The following PHACTR2 variants were observed in gnomAD, a reference collection of about 807,000 sequenced individuals.
The protein encoded by PHACTR2 is chromosome 6 open reading frame 56.
A neutral mutation model predicts 76.0 loss-of-function variants in PHACTR2; 30 were observed. The ratio of observed to expected loss-of-function variants is 0.39; its 90% confidence interval spans 0.30 to 0.54. The LOEUF is 0.54. Among genes scored for constraint, PHACTR2 ranks in the 20% least tolerant of loss-of-function variants. The pLI, the probability that PHACTR2 is intolerant of heterozygous loss-of-function variation, is 0.61. For synonymous variants in PHACTR2, 292 were observed against 292.5 expected (o/e 1.00, Z 0.02); for missense variants, 696 against 781.1 (o/e 0.89, Z 1.30).
In PHACTR2 at chr6:143,554,561, A is replaced by G. The variant is rs1357350716; in HGVS notation, c.217+17354A>G. On this transcript the variant is annotated intron_variant, in intron 1 of 11. Transcript: ENST00000367584. The surrounding 1 kb of genome is among the most constrained non-coding windows in gnomAD (Gnocchi z 5.9). Reference sequence around the variant, plus strand: ...CAGCGTTAGAGCAGTCTTGCTGAAGACAGGACAGGATGATCAGCCCTCACC... The same window carrying G: ...CAGCGTTAGAGCAGTCTTGCTGAAGGCAGGACAGGATGATCAGCCCTCACC... 1 of 152,296 alleles carries G rather than the reference A, an allele frequency of 6.6e-6. No homozygotes were observed. Among genetic ancestry groups the G allele is most frequent in the Non-Finnish European group, 1.5e-5 (1 of 68,042 alleles). The allele number at this position is 152,296 out of a possible 1,614,324, so 9.4% of individuals were successfully genotyped here.
chr6:143,684,833 A>G lies in PHACTR2; in HGVS notation c.46+6624A>G, dbSNP rs74914765. 0.016 allele frequency among the ~76,000 whole-genome samples: 2,470 copies of G among 152,362 alleles called. 28 individuals are homozygous for G. The highest frequency in any genetic ancestry group is 0.024 in the Non-Finnish European group (1,643 of 68,038). ...CAGTCAACACTCTACACAACTGTAC[A>G]TGACCACAATGCTGTGCATAAATAA... On this transcript the variant is annotated intron_variant, in intron 1 of 12. Transcript: ENST00000440869. This position sits in a 1 kb window ranked among gnomAD's most constrained non-coding sequence, Gnocchi z 4.3.
chr6:143,717,926 A>G (rs1416923243), intron 2 of PHACTR2, among the ~76,000 whole-genome samples: 1 of 152,200 alleles, frequency 6.6e-6, no homozygotes. Flanking sequence ...ATAACAAATT[A>G]AAATACTAAC....
Position 143,641,199 on chromosome 6 carries a change from C to T in PHACTR2, c.13+32877C>T, listed in dbSNP as rs1008423665. On this transcript the variant is annotated intron_variant, in intron 1 of 11. Coordinates refer to the PHACTR2 transcript ENST00000305766. The surrounding 1 kb of genome is among the most constrained non-coding windows in gnomAD (Gnocchi z 5.8). Reference sequence around the variant, plus strand: ...TAATCCCACCCTTTGCAGTGGAGACCTCATGGCTTAATCATGATTTAAAGG... The same window carrying T: ...TAATCCCACCCTTTGCAGTGGAGACTTCATGGCTTAATCATGATTTAAAGG... Among the ~76,000 whole-genome samples the T allele has an allele frequency of 6.6e-6, 1 of 152,126 alleles. No individual in the cohort carries two copies. Among genetic ancestry groups the T allele is most frequent in the Admixed American group, 6.5e-5 (1 of 15,274 alleles).
intron 2 of PHACTR2, among the ~76,000 whole-genome samples, chr6:143,734,449 G>A (rs969052603): frequency 1.3e-5 from 2 of 152,204 alleles, no homozygotes; most frequent in African/African-American, 2.4e-5. Context: ...AGTATCTCAA[G>A]TCTCCCGTCT....
chr6:143,795,542 G>T lies in PHACTR2; in HGVS notation c.1845+6632G>T, dbSNP rs1775805116. On this transcript the variant is annotated intron_variant, in intron 11 of 12. Coordinates refer to ENST00000440869, the MANE Select transcript of PHACTR2 (RefSeq NM_001100164.2). This position sits in a 1 kb window ranked among gnomAD's most constrained non-coding sequence, Gnocchi z 4.8. ...TGCACTGAGGTAGATAGACGAGCTG[G>T]CCCTTCAGTGGCAGAGAGGTGAGGT... 6.6e-6 allele frequency among the ~76,000 whole-genome samples: 1 copy of T among 152,254 alleles called. No homozygotes were observed. The highest frequency in any genetic ancestry group is 1.5e-5 in the Non-Finnish European group (1 of 68,046).
In PHACTR2 at chr6:143,688,053, T is replaced by A. The variant is rs1777560910; in HGVS notation, c.46+9844T>A. Among the ~76,000 whole-genome samples the A allele has an allele frequency of 1.3e-5, 2 of 151,882 alleles. No individual in the cohort carries two copies. Among genetic ancestry groups the A allele is most frequent in the Non-Finnish European group, 2.9e-5 (2 of 68,002 alleles). ...AGAAATGAGAGTGGAAGGGAAGGGA[T>A]ATGTAGAGAATTGTAGGACTAGATC... On this transcript the variant is annotated intron_variant, in intron 1 of 12. Transcript: ENST00000440869. This position sits in a 1 kb window ranked among gnomAD's most constrained non-coding sequence, Gnocchi z 5.2.
At position 143,757,941 on chromosome 6, in the gene PHACTR2, G is replaced by A. The variant is rs544370612; in HGVS notation, c.455-2460G>A. 6.5e-4 allele frequency among the ~76,000 whole-genome samples: 93 copies of A among 143,054 alleles called. No individual in the cohort carries two copies. The highest frequency in any genetic ancestry group is 2.4e-3 in the African/African-American group (90 of 37,856). The allele number at this position is 143,054 out of a possible 152,430, so 93.8% of individuals were successfully genotyped here. On this transcript the variant is annotated intron_variant, in intron 4 of 12. Transcript: ENST00000440869. The surrounding 1 kb of genome is among the most constrained non-coding windows in gnomAD (Gnocchi z 4.2). ...TTTGCATACTCATATGTCCCTGCGT[G>A]TGTGTGCATGCACACGTGCGCGCAC... is the stretch of plus-strand genomic sequence containing the variant.
rs932168453 is a variant in PHACTR2 at position 143,623,100 on chromosome 6, G to T, written c.13+14778G>T. 1.3e-5 allele frequency among the ~76,000 whole-genome samples: 2 copies of T among 152,036 alleles called. No homozygotes were observed. Among genetic ancestry groups the T allele is most frequent in the Admixed American group, 6.6e-5 (1 of 15,266 alleles). ...AAGAGTTTGAATAAAATGTTTTCAG[G>T]AAATGTGAGAGTGGAAAAAAGCAAT... is the stretch of plus-strand genomic sequence containing the variant. On this transcript the variant is annotated intron_variant, in intron 1 of 11. Coordinates refer to the PHACTR2 transcript ENST00000305766. This position sits in a 1 kb window ranked among gnomAD's most constrained non-coding sequence, Gnocchi z 5.9.
At chr6:143,771,759 A>G (rs900602584) in intron 6 of PHACTR2, among the ~76,000 whole-genome samples, 17 of 152,082 alleles carry the variant, frequency 1.1e-4, no homozygotes, top group Admixed American at 2.6e-4. Flanking sequence ...AAGAAGATGT[A>G]CTTTTCTACG....
rs1172854908 is a variant in PHACTR2 at position 143,800,337 on chromosome 6, C to T, written c.1846-6720C>T. 6.6e-6 allele frequency among the ~76,000 whole-genome samples: 1 copy of T among 152,150 alleles called. No homozygotes were observed. The highest frequency in any genetic ancestry group is 1.5e-5 in the Non-Finnish European group (1 of 68,026). Reference sequence around the variant, plus strand: ...AGTGCAGTGGTGCAATCTCCGCTCACAGCAAGCTCCGCCTCCCAGGGTCAC... The same window carrying T: ...AGTGCAGTGGTGCAATCTCCGCTCATAGCAAGCTCCGCCTCCCAGGGTCAC... On this transcript the variant is annotated intron_variant, in intron 11 of 12. Transcript: ENST00000440869. This position sits in a 1 kb window ranked among gnomAD's most constrained non-coding sequence, Gnocchi z 4.8.
chr6:143,568,395 A>G (rs1775393413), intron 1 of PHACTR2, among the ~76,000 whole-genome samples: 1 of 152,242 alleles, frequency 6.6e-6, no homozygotes, highest in Non-Finnish European at 1.5e-5. Flanking sequence ...AGAGGCAGTA[A>G]GCAAAGCTGT....
intron 5 of PHACTR2, among the ~76,000 whole-genome samples, chr6:143,763,861 G>T (rs549232025): frequency 6.6e-6 from 1 of 152,264 alleles, no homozygotes; most frequent in East Asian, 1.9e-4. Context: ...ATGCTAACAA[G>T]ATGTTTTCTA....
Position 143,760,905 on chromosome 6 carries a change from G to C in PHACTR2, c.694+265G>C, listed in dbSNP as rs1261777784. Among the ~76,000 whole-genome samples the C allele has an allele frequency of 6.6e-6, 1 of 152,136 alleles. No individual in the cohort carries two copies. Among genetic ancestry groups the C allele is most frequent in the Non-Finnish European group, 1.5e-5 (1 of 68,032 alleles). On this transcript the variant is annotated intron_variant, in intron 5 of 12. Transcript: ENST00000440869. This position sits in a 1 kb window ranked among gnomAD's most constrained non-coding sequence, Gnocchi z 6.4. ...GTATCCACTATCAGCACCAGTTGAA[G>C]GATACTGGGAGTAGTATGCCTGATG...
rs1775962231 is a variant in PHACTR2 at position 143,610,756 on chromosome 6, A to G, written c.13+2434A>G. ...GCAGCAAAGAGCTGACATTCCTACT[A>G]TCTCAGAGAAGGAGACATCCCTTCC... On this transcript the variant is annotated intron_variant, in intron 1 of 11. Coordinates refer to the PHACTR2 transcript ENST00000305766. This position sits in a 1 kb window ranked among gnomAD's most constrained non-coding sequence, Gnocchi z 4.9. Among the ~76,000 whole-genome samples, 2 of 152,162 alleles carry G rather than the reference A, an allele frequency of 1.3e-5. No homozygotes were observed. The highest frequency in any genetic ancestry group is 6.5e-5 in the Admixed American group (1 of 15,280).
intron 2 of PHACTR2, among the ~76,000 whole-genome samples, chr6:143,745,507 T>C (rs1381148193): frequency 6.6e-6 from 1 of 152,228 alleles, no homozygotes; most frequent in African/African-American, 2.4e-5. Context: ...GTGCGGTGTG[T>C]TGGACTAGAA....
chr6:143,770,339 A>G (rs4896670), intron 6 of PHACTR2, among the ~76,000 whole-genome samples: 39,668 of 152,070 alleles, frequency 0.26, 5,332 homozygotes, highest in Middle Eastern at 0.31. Flanking sequence ...GTAGTTGCCA[A>G]TGGCTGGGAG....
In PHACTR2 at chr6:143,709,499, A is replaced by G. The variant is rs981713859; in HGVS notation, c.47-2517A>G. Among the ~76,000 whole-genome samples, 1 of 152,178 alleles carries G rather than the reference A, an allele frequency of 6.6e-6. No individual in the cohort carries two copies. The highest frequency in any genetic ancestry group is 2.4e-5 in the African/African-American group (1 of 41,420). On this transcript the variant is annotated intron_variant, in intron 1 of 12. Transcript: ENST00000440869. This position sits in a 1 kb window ranked among gnomAD's most constrained non-coding sequence, Gnocchi z 4.4. ...AGTGATTTTCGATGGAAACTTGGAC[A>G]TTTTTGTATTATGTTATGTGACTCT...
At chr6:143,644,984 C>T (rs1776633705) in intron 1 of PHACTR2, among the ~76,000 whole-genome samples, 1 of 151,726 alleles carries the variant, frequency 6.6e-6, no homozygotes, top group Non-Finnish European at 1.5e-5. Flanking sequence ...CCTTCCCACC[C>T]ACCCTGAGTC....
At chr6:143,650,074 T>G (rs1399320001) in intron 1 of PHACTR2, among the ~76,000 whole-genome samples, 1 of 152,132 alleles carries the variant, frequency 6.6e-6, no homozygotes, top group Non-Finnish European at 1.5e-5. Context: ...AAATCATGAA[T>G]GAACTACCAT....
Sources: allele counts gnomAD v4.1 joint callset (sites outside exome capture counted in the v4.1 genomes callset), GRCh38; gene constraint gnomAD v4.1.1; non-coding constraint Gnocchi (gnomAD v3.1); transcripts MANE v1.5; gene names NCBI Gene and HGNC (gene_info 2026-07-23, HGNC 2026-07-21).